DTNB: variants seen among roughly 807,000 people sequenced by gnomAD.
DTNB encodes the protein dystrobrevin beta, also known as DTN-B.
A neutral mutation model predicts 90.7 loss-of-function variants in DTNB; 63 were observed. The observed-to-expected ratio is 0.69, with a 90% confidence interval of 0.57 to 0.86. DTNB has a LOEUF of 0.86. DTNB is among the 40% of genes least tolerant of loss of function. The pLI is 0.00. For missense variants in DTNB, 744 were observed against 807.1 expected, an observed-to-expected ratio of 0.92 and a Z score of 0.95; for synonymous variants, 277 against 286.7, an observed-to-expected ratio of 0.97 and a Z score of 0.34.
rs34608606 is a variant in DTNB at position 25,496,842 on chromosome 2, C to CAA, written c.1002-13971_1002-13970dup. 7.8e-3 allele frequency among the ~76,000 whole-genome samples: 832 copies of CAA among 106,172 alleles called. 6 individuals are homozygous for CAA. The highest frequency in any genetic ancestry group is 0.011 in the Non-Finnish European group (576 of 52,524). 69.7% of individuals were successfully genotyped at this position (106,172 alleles called of 152,430 possible). ...TGGGTGACAGAGTGAGACTCTGTTT[C>CAA]AAAAAAAAAAAAAAAAAGATAATAG... On this transcript the variant is annotated intron_variant, in intron 9 of 20. Coordinates refer to ENST00000406818, the MANE Select transcript of DTNB (RefSeq NM_021907.5).
At chr2:25,403,500 C>T (rs1237553649) in intron 16 of DTNB, among the ~76,000 whole-genome samples, 1 of 152,114 alleles carries the variant, frequency 6.6e-6, no homozygotes, top group Non-Finnish European at 1.5e-5. Flanking sequence ...GAGAAAAATA[C>T]CTATACAATG....
At chr2:25,592,497 G>A (rs887279257) in intron 6 of DTNB, among the ~76,000 whole-genome samples, 8 of 151,398 alleles carry the variant, frequency 5.3e-5, no homozygotes, top group Admixed American at 1.3e-4. Flanking sequence ...ACTTATAAAC[G>A]CATCTAATTT....
chr2:25,640,388 C>T (rs986025987), intron 2 of DTNB, among the ~76,000 whole-genome samples: 8 of 150,980 alleles, frequency 5.3e-5, no homozygotes, highest in African/African-American at 1.5e-4. Context: ...GGTATGGAGG[C>T]GGGGGGTGGA....
chr2:25,507,946 T>G (rs2072902333), intron 9 of DTNB, among the ~76,000 whole-genome samples: 1 of 152,220 alleles, frequency 6.6e-6, no homozygotes, highest in South Asian at 2.1e-4. Context: ...CAAGGAATGC[T>G]CTTCCTCCAG....
chr2:25,645,276 G>A (rs1290488927), intron 2 of DTNB, among the ~76,000 whole-genome samples: 1 of 150,934 alleles, frequency 6.6e-6, no homozygotes, highest in Non-Finnish European at 1.5e-5. Flanking sequence ...CCAGCTACTT[G>A]AGAGGGTGAG....
chr2:25,475,723 A>G (rs760559518), intron 10 of DTNB, among the ~76,000 whole-genome samples: 1 of 152,234 alleles, frequency 6.6e-6, no homozygotes, highest in Non-Finnish European at 1.5e-5. Context: ...TGCTGGGGCT[A>G]ATGCAGCTGG....
intron 9 of DTNB, among the ~76,000 whole-genome samples, chr2:25,511,096 T>C (rs1327782917): frequency 6.6e-6 from 1 of 152,186 alleles, no homozygotes; most frequent in Non-Finnish European, 1.5e-5. Flanking sequence ...ACTTGGTAAA[T>C]GTGAGAGGGA....
In DTNB at chr2:25,628,394, A is replaced by G. The variant is rs762424520; in HGVS notation, c.149-10T>C. ...ATATCAACAAGATGAACTAAAAGACAAAGAAAATAAACTGTCAACAATTTT... is the reference window on the plus strand; with the variant it reads ...ATATCAACAAGATGAACTAAAAGACGAAGAAAATAAACTGTCAACAATTTT... On this transcript the variant is annotated splice_polypyrimidine_tract_variant and intron_variant, in intron 3 of 20. Transcript: ENST00000406818. The G allele has an allele frequency of 6.2e-7, 1 of 1,608,394 alleles. No homozygotes were observed. The highest frequency in any genetic ancestry group is 8.5e-7 in the Non-Finnish European group (1 of 1,177,590).
At chr2:25,528,700 AAC>A (rs1041322565) in intron 9 of DTNB, among the ~76,000 whole-genome samples, 4 of 152,200 alleles carry the variant, frequency 2.6e-5, no homozygotes, top group African/African-American at 9.6e-5. Flanking sequence ...CGCTTACCAA[AAC>A]ACATCGAATT....
At chr2:25,384,449 G>T (rs2038884912) in intron 18 of DTNB, among the ~76,000 whole-genome samples, 1 of 152,174 alleles carries the variant, frequency 6.6e-6, no homozygotes. Context: ...GCTCTGCAGG[G>T]ACAAGATCCC....
intron 8 of DTNB, among the ~76,000 whole-genome samples, chr2:25,573,335 G>T (rs571084283): frequency 6.6e-4 from 100 of 152,230 alleles, no homozygotes; most frequent in African/African-American, 2.3e-3. Context: ...GAACCAAAGG[G>T]GATTCTGATA....
At position 25,500,157 on chromosome 2, in the gene DTNB, T is replaced by C. The variant is rs373970319; in HGVS notation, c.1002-17284A>G. Among the ~76,000 whole-genome samples, 26 of 152,264 alleles carry C rather than the reference T, an allele frequency of 1.7e-4. No individual in the cohort carries two copies. The South Asian group carries it at 4.6e-3, about 27-fold the overall frequency. Reference sequence around the variant, plus strand: ...CCTCAGCAATCCTCCTGCCTCAGCCTCCCAAAGTGCTGGTACTACAGGAGT... The same window carrying C: ...CCTCAGCAATCCTCCTGCCTCAGCCCCCCAAAGTGCTGGTACTACAGGAGT... On this transcript the variant is annotated intron_variant, in intron 9 of 20. Coordinates refer to ENST00000406818, the MANE Select transcript of DTNB (RefSeq NM_021907.5).
intron 4 of DTNB, among the ~76,000 whole-genome samples, chr2:25,608,417 A>C (rs1000079658): frequency 1.3e-5 from 2 of 152,238 alleles, no homozygotes; most frequent in Admixed American, 6.5e-5. Flanking sequence ...TGAGCTTTTA[A>C]CTATAACATC....
intron 6 of DTNB, among the ~76,000 whole-genome samples, chr2:25,585,647 T>G (rs557981396): frequency 6.6e-6 from 1 of 152,330 alleles, no homozygotes; most frequent in South Asian, 2.1e-4. Flanking sequence ...AGTCTCCAAC[T>G]TCATCATTTC....
intron 4 of DTNB, among the ~76,000 whole-genome samples, chr2:25,618,472 TG>T (rs2071444662): frequency 6.6e-6 from 1 of 152,198 alleles, no homozygotes; most frequent in Admixed American, 6.5e-5. Flanking sequence ...CTACTTCCAA[TG>T]TAAAGTCCAA....
intron 5 of DTNB, among the ~76,000 whole-genome samples, chr2:25,604,710 C>T (rs2066701443): frequency 6.6e-6 from 1 of 152,184 alleles, no homozygotes; most frequent in South Asian, 2.1e-4. Flanking sequence ...CTGCCTCAGC[C>T]TCCCGAGTAG....
chr2:25,673,536 C>T lies in DTNB; in HGVS notation c.-152G>A, dbSNP rs2086623176. ...CCCCCGCGGCGAACGTTCGCAGCGC[C>T]CGGCTCGCGCCGCTTCTCCGCCCGG... On this transcript the variant is annotated 5_prime_UTR_variant, in exon 1 of 21. Transcript: ENST00000406818. 1 of 148,978 alleles carries T rather than the reference C, an allele frequency of 6.7e-6. No individual in the cohort carries two copies. Among genetic ancestry groups the T allele is most frequent in the Non-Finnish European group, 1.5e-5 (1 of 66,610 alleles). The allele number at this position is 148,978 out of a possible 1,614,324, so 9.2% of individuals were successfully genotyped here.
chr2:25,463,555 A>G (rs2061338705), intron 10 of DTNB, among the ~76,000 whole-genome samples: 1 of 152,256 alleles, frequency 6.6e-6, no homozygotes, highest in African/African-American at 2.4e-5. Context: ...TGCATACACT[A>G]AAAACCACTG....
intron 16 of DTNB, among the ~76,000 whole-genome samples, chr2:25,406,937 C>T (rs1033751290): frequency 6.6e-6 from 1 of 151,998 alleles, no homozygotes; most frequent in Non-Finnish European, 1.5e-5. Context: ...GAGGTCTGAG[C>T]AGGTTAAAAA....
Sources: allele counts gnomAD v4.1 joint callset (sites outside exome capture counted in the v4.1 genomes callset), GRCh38; gene constraint gnomAD v4.1.1; transcripts MANE v1.5; gene names NCBI Gene and HGNC (gene_info 2026-07-23, HGNC 2026-07-21).